BCKDK: variants seen among roughly 807,000 people sequenced by gnomAD.
BCKDK encodes branched chain keto acid dehydrogenase kinase.
A neutral mutation model predicts 43.9 loss-of-function variants in BCKDK; 28 were observed. The observed-to-expected ratio is 0.64, with a 90% CI of 0.47 to 0.87. The LOEUF (loss-of-function observed/expected upper bound fraction) is 0.87. Ranked by LOEUF, BCKDK falls within the 40% of genes least tolerant of loss-of-function variation. BCKDK has a pLI of 0.00. For missense variants in BCKDK, 483 were observed against 581.4 expected (o/e 0.83, Z 1.74); for synonymous variants, 257 against 234.3 (o/e 1.10, Z -0.88).
chr16:31,111,773 AAGGAAC>A, intron 10 of BCKDK, 90 bp from the exon 11 acceptor site: 11 of 1,509,222 alleles, frequency 7.3e-6, no homozygotes, highest in Non-Finnish European at 1.0e-5. Context: ...CTCTGGGTGG[AAGGAAC>A]AGGAAGGCAG....
In BCKDK at chr16:31,112,099, C is replaced by T. The variant is rs759341581; in HGVS notation, c.1095-22C>T. 5 of 1,607,344 alleles carry T rather than the reference C, an allele frequency of 3.1e-6. No individual in the cohort carries two copies. Among genetic ancestry groups the T allele is most frequent in the Non-Finnish European group, 3.4e-6 (4 of 1,175,998 alleles). On this transcript the variant is annotated intron_variant, in intron 11 of 11. Coordinates refer to ENST00000219794, the MANE Select transcript of BCKDK (RefSeq NM_005881.4). The surrounding 1 kb of genome is among the most constrained non-coding windows in gnomAD (Gnocchi z 5.0). ...ACTCAAGCCTCTGAAGCCTCCTGTC[C>T]TGTCCCCCTGCCCACCCCCAGCTTT...
At chr16:31,114,462 C>T (rs760836556), downstream of BCKDK, among the ~76,000 whole-genome samples, 23 of 152,124 alleles carry the variant, frequency 1.5e-4, no homozygotes, top group Non-Finnish European at 2.8e-4. Flanking sequence ...CCATCCACCT[C>T]AGCCTCCCAA....
chr16:31,112,275 C>T lies in BCKDK; in HGVS notation c.*10C>T. Reference sequence around the variant, plus strand: ...AAGCTTCCGGATCTGACCCCACAGCCTTTGGCCTGCTCACCCGACCAGCCT... The same window carrying T: ...AAGCTTCCGGATCTGACCCCACAGCTTTTGGCCTGCTCACCCGACCAGCCT... On this transcript the variant is annotated 3_prime_UTR_variant, in exon 12 of 12. Transcript: ENST00000219794. The surrounding 1 kb of genome is among the most constrained non-coding windows in gnomAD (Gnocchi z 5.0). 1 of 1,606,568 alleles carries T rather than the reference C, an allele frequency of 6.2e-7. No individual in the cohort carries two copies. The highest frequency in any genetic ancestry group is 8.5e-7 in the Non-Finnish European group (1 of 1,179,938).
chr16:31,112,253 C>T lies in BCKDK; in HGVS notation c.1227C>T (p.Ser409=). 1.9e-6 allele frequency: 3 copies of T among 1,609,294 alleles called. No individual in the cohort carries two copies. Among genetic ancestry groups the T allele is most frequent in the Non-Finnish European group, 1.7e-6 (2 of 1,179,968 alleles). The change falls in exon 12 of 12, where the codon AGC becomes AGT. Residue 409 remains serine (S), a synonymous_variant. Transcript: ENST00000219794. This position sits in a 1 kb window ranked among gnomAD's most constrained non-coding sequence, Gnocchi z 5.0. ...RLRHIDGREE[S]FRI Reference sequence around the variant, plus strand: ...GCCACATCGATGGCCGGGAGGAAAGCTTCCGGATCTGACCCCACAGCCTTT... The same window carrying T: ...GCCACATCGATGGCCGGGAGGAAAGTTTCCGGATCTGACCCCACAGCCTTT...
At chr16:31,115,651 G>A (rs1039048440), downstream of BCKDK, 1 of 152,054 alleles carries the variant, frequency 6.6e-6, no homozygotes, top group Non-Finnish European at 1.5e-5. Flanking sequence ...TCAGCCTCCT[G>A]AGTAGGTGGG....
chr16:31,110,604 G>A lies in BCKDK; in HGVS notation c.643-84G>A. 1.3e-6 allele frequency: 2 copies of A among 1,587,980 alleles called. No individual in the cohort carries two copies. Among genetic ancestry groups the A allele is most frequent in the Non-Finnish European group, 1.7e-6 (2 of 1,156,798 alleles). On this transcript the variant is annotated intron_variant, in intron 7 of 11. Transcript: ENST00000219794. This position sits in a 1 kb window ranked among gnomAD's most constrained non-coding sequence, Gnocchi z 5.4. ...CCTGGGGGCTGAGGCTGTGGGGCTGGTGCTTTGGGGCAGTTCCGAAGTTGC... is the reference window on the plus strand; with the variant it reads ...CCTGGGGGCTGAGGCTGTGGGGCTGATGCTTTGGGGCAGTTCCGAAGTTGC...
Position 31,111,481 on chromosome 16 carries a change from C to T in BCKDK, c.935+92C>T. On this transcript the variant is annotated intron_variant, in intron 10 of 11. Coordinates refer to ENST00000219794, the MANE Select transcript of BCKDK (RefSeq NM_005881.4). ...ATTTAGGACCTTGAGCCCCTTCCTG[C>T]CCCATTCTGGGACTTGGTCCCTGAC... 7.9e-6 allele frequency: 11 copies of T among 1,395,858 alleles called. No homozygotes were observed. In the South Asian group the frequency reaches 9.5e-5, roughly 12 times the overall value. 86.5% of individuals were successfully genotyped at this position (1,395,858 alleles called of 1,614,324 possible).
chr16:31,117,394 A>AAATAAATT (rs1555503221), downstream of BCKDK: 211 of 211,564 alleles, frequency 1.0e-3, no homozygotes, highest in African/African-American at 4.8e-3. Flanking sequence ...ATAAATAAAT[A>AAATAAATT]AATAAATTAA....
chr16:31,114,123 TAATCTGGGC>T (rs1250829716), downstream of BCKDK, among the ~76,000 whole-genome samples: 4 of 152,104 alleles, frequency 2.6e-5, no homozygotes, highest in Non-Finnish European at 5.9e-5. Context: ...ACATCAAAGG[TAATCTGGGC>T]ACACAGAAAC....
downstream of BCKDK, among the ~76,000 whole-genome samples, chr16:31,116,232 G>A (rs1001676990): frequency 4.3e-5 from 6 of 140,670 alleles, no homozygotes; most frequent in African/African-American, 1.6e-4. Context: ...TTTTTTTTGA[G>A]ATGGAGTCTG....
chr16:31,112,239 G>A lies in BCKDK; in HGVS notation c.1213G>A (p.Gly405Ser). Residue 405 changes from glycine (G) to serine (S), a missense_variant, in exon 12 of 12, where the codon GGC becomes AGC. Gly to Ser is a moderately conservative substitution (Grantham distance 56). Coordinates refer to ENST00000219794, the MANE Select transcript of BCKDK (RefSeq NM_005881.4). This position sits in a 1 kb window ranked among gnomAD's most constrained non-coding sequence, Gnocchi z 5.0. ...DVYLRLRHID[G>S]REESFRI ...CTACCTGCGGCTCCGCCACATCGAT[G>A]GCCGGGAGGAAAGCTTCCGGATCTG... 1 of 1,610,750 alleles carries A rather than the reference G, an allele frequency of 6.2e-7. No homozygotes were observed. The highest frequency in any genetic ancestry group is 8.5e-7 in the Non-Finnish European group (1 of 1,179,992).
rs1367544950 is a variant in BCKDK, at chr16:31,111,365, A to G, written c.911A>G (p.Asn304Ser). Reference protein sequence around the residue: ...NVPDVVITIANNDVDLIIRIS... With the variant: ...NVPDVVITIASNDVDLIIRIS... ...CCAGATGTGGTCATCACCATCGCCA[A>G]CAATGATGTCGATCTGATCATCAGG... Residue 304 changes from asparagine (N) to serine (S), a missense_variant, in exon 10 of 12, where the codon AAC becomes AGC. Physicochemically the swap from Asn to Ser is conservative, Grantham distance 46. Coordinates refer to ENST00000219794, the MANE Select transcript of BCKDK (RefSeq NM_005881.4). 3 of 1,614,190 alleles carry G rather than the reference A, an allele frequency of 1.9e-6. No homozygotes were observed. The highest frequency in any genetic ancestry group is 1.7e-6 in the Non-Finnish European group (2 of 1,180,020).
chr16:31,111,432 G>A (rs577834584), intron 10 of BCKDK, 43 bp downstream of exon 10: 2 of 1,588,860 alleles, frequency 1.3e-6, no homozygotes, highest in Non-Finnish European at 1.7e-6. Flanking sequence ...ATGGGATGGG[G>A]GTCTAGGCAC....
In BCKDK at chr16:31,110,995, G is replaced by A; in HGVS notation, c.717-96G>A. The stretch of plus-strand genomic sequence containing the variant: ...AGTTGTGACAAACAAAAATGTCTCT[G>A]CACATTGCCATATGTTACTTAGGGG... On this transcript the variant is annotated intron_variant, in intron 8 of 11. Coordinates refer to ENST00000219794, the MANE Select transcript of BCKDK (RefSeq NM_005881.4). This position sits in a 1 kb window ranked among gnomAD's most constrained non-coding sequence, Gnocchi z 5.4. 1 of 1,559,202 alleles carries A rather than the reference G, an allele frequency of 6.4e-7. No homozygotes were observed. The highest frequency in any genetic ancestry group is 8.7e-7 in the Non-Finnish European group (1 of 1,148,914).
rs2057386062 is a variant in BCKDK, at chr16:31,108,963, T to A, written c.-177-84T>A. 2.7e-6 allele frequency: 1 copy of A among 371,730 alleles called. No individual in the cohort carries two copies. Among genetic ancestry groups the A allele is most frequent in the South Asian group, 6.2e-5 (1 of 16,094 alleles). The allele number at this position is 371,730 out of a possible 1,614,324, so 23.0% of individuals were successfully genotyped here. A position where few individuals can be genotyped will look rare whatever the true frequency, so the allele number is the denominator to read the frequency against. On this transcript the variant is annotated intron_variant, in intron 1 of 11. Transcript: ENST00000219794. The surrounding 1 kb of genome is among the most constrained non-coding windows in gnomAD (Gnocchi z 6.2). ...GTGGTGGGGAGAGGTCGCCCGGGTCTGGGGAGACCGATGCACAGGTGGAGA... is the reference window on the plus strand; with the variant it reads ...GTGGTGGGGAGAGGTCGCCCGGGTCAGGGGAGACCGATGCACAGGTGGAGA...
At position 31,112,312 on chromosome 16, in the gene BCKDK, C is replaced by A; in HGVS notation, c.*47C>A. On this transcript the variant is annotated 3_prime_UTR_variant, in exon 12 of 12. Transcript: ENST00000219794. This position sits in a 1 kb window ranked among gnomAD's most constrained non-coding sequence, Gnocchi z 5.0. ...CACCCGACCAGCCTGGGCCGCATTCCCTGCAGGACCTCCCGGGTCAGGCAG... is the reference window on the plus strand; with the variant it reads ...CACCCGACCAGCCTGGGCCGCATTCACTGCAGGACCTCCCGGGTCAGGCAG... 1 of 1,601,488 alleles carries A rather than the reference C, an allele frequency of 6.2e-7. No individual in the cohort carries two copies. The highest frequency in any genetic ancestry group is 8.5e-7 in the Non-Finnish European group (1 of 1,179,826).
rs565768136 is a variant in BCKDK, at chr16:31,111,226, T to C, written c.845+7T>C. The C allele has an allele frequency of 1.6e-5, 26 of 1,614,076 alleles. 1 individual carries two copies. The South Asian group carries it at 2.7e-4, about 17-fold the overall frequency. ...TGCTCAAGAATGCCATGAGGTGGGG[T>C]GGCTTGATGTGCTGGCTTGGGGGCG... On this transcript the variant is annotated splice_region_variant and intron_variant, in intron 9 of 11. Transcript: ENST00000219794.
At chr16:31,114,344 C>G (rs1596813228), downstream of BCKDK, among the ~76,000 whole-genome samples, 4 of 139,958 alleles carry the variant, frequency 2.9e-5, no homozygotes, top group African/African-American at 1.0e-4. Flanking sequence ...TCCCGAGTAG[C>G]TGGGATTACA....
rs1295036951 is a variant in BCKDK, at chr16:31,110,589, G to T, written c.642+90G>T. 2.5e-6 allele frequency: 4 copies of T among 1,589,196 alleles called. No homozygotes were observed. In the African/African-American group the frequency reaches 5.4e-5, roughly 21 times the overall value. ...GATCCGGGTCAAGGGCCTGGGGGCT[G>T]AGGCTGTGGGGCTGGTGCTTTGGGG... On this transcript the variant is annotated intron_variant, in intron 7 of 11. Transcript: ENST00000219794. This position sits in a 1 kb window ranked among gnomAD's most constrained non-coding sequence, Gnocchi z 5.4.
Sources: gnomAD v4.1 joint callset for allele counts (sites outside exome capture counted in the v4.1 genomes callset) on GRCh38, gnomAD v4.1.1 for gene constraint, Gnocchi (gnomAD v3.1) non-coding constraint, MANE v1.5 for transcripts, NCBI Gene and HGNC (gene_info 2026-07-23, HGNC 2026-07-21) for gene names.